CNTNAP5: variants seen among roughly 807,000 people sequenced by gnomAD.
CNTNAP5 encodes the protein contactin-associated protein-like 5.
A neutral mutation model predicts 150.2 loss-of-function variants in CNTNAP5; 72 were observed. That is an observed-to-expected ratio of 0.48 (90% CI 0.40 to 0.58). CNTNAP5 has a LOEUF of 0.58. Among genes scored for constraint, CNTNAP5 ranks in the 20% least tolerant of loss-of-function variants. The pLI is 0.00. For synonymous variants in CNTNAP5, 672 were observed against 619.8 expected (o/e 1.08, Z -1.25); for missense variants, 1,636 against 1,626.2 (o/e 1.01, Z -0.10).
intron 17 of CNTNAP5, among the ~76,000 whole-genome samples, chr2:124,779,867 A>G (rs1681410845): frequency 6.6e-6 from 1 of 152,184 alleles, no homozygotes; most frequent in South Asian, 2.1e-4. Context: ...CTCTGTGAGC[A>G]CACACAATAC....
At chr2:124,044,529 G>A (rs1681474007) in intron 1 of CNTNAP5, among the ~76,000 whole-genome samples, 1 of 152,014 alleles carries the variant, frequency 6.6e-6, no homozygotes, top group Admixed American at 6.6e-5. Context: ...CTTAGATATT[G>A]GTAAAGAAAG....
intron 13 of CNTNAP5, among the ~76,000 whole-genome samples, chr2:124,694,879 CAA>C (rs1477750896): frequency 6.6e-6 from 1 of 151,912 alleles, no homozygotes; most frequent in Non-Finnish European, 1.5e-5. Context: ...GTGAGTAAGA[CAA>C]AAGTGAAACA....
Position 124,140,236 on chromosome 2 carries a change from T to C in CNTNAP5, c.83-81469T>C, listed in dbSNP as rs1245208454. ...GAGGGGCGCCCGCCATTGCCCAGGC[T>C]TGCTTAGGTAAACAAAGCAGCCGGG... On this transcript the variant is annotated intron_variant, in intron 1 of 23. Coordinates refer to ENST00000682447, the MANE Select transcript of CNTNAP5 (RefSeq NM_001367498.1). Among the ~76,000 whole-genome samples the C allele has an allele frequency of 2.5e-4, 38 of 150,560 alleles. No individual in the cohort carries two copies. The East Asian group carries it at 7.5e-3, about 30-fold the overall frequency.
intron 19 of CNTNAP5, among the ~76,000 whole-genome samples, chr2:124,840,941 C>G (rs544798165): frequency 2.0e-5 from 3 of 152,180 alleles, no homozygotes; most frequent in Admixed American, 6.5e-5. Context: ...TCATTGACAT[C>G]TTTAAACTTT....
intron 14 of CNTNAP5, among the ~76,000 whole-genome samples, chr2:124,761,111 C>A (rs1349805801): frequency 1.3e-5 from 2 of 152,158 alleles, no homozygotes; most frequent in Admixed American, 1.3e-4. Context: ...TTACCCTTGG[C>A]ATGAAGAAAG....
intron 11 of CNTNAP5, among the ~76,000 whole-genome samples, chr2:124,607,122 G>A (rs1011627857): frequency 6.6e-6 from 1 of 152,118 alleles, no homozygotes; most frequent in Non-Finnish European, 1.5e-5. Flanking sequence ...GAGTTGATTA[G>A]CTACCTATTG....
intron 13 of CNTNAP5, among the ~76,000 whole-genome samples, chr2:124,697,262 C>A (rs1679424197): frequency 6.6e-6 from 1 of 152,158 alleles, no homozygotes; most frequent in South Asian, 2.1e-4. Flanking sequence ...TGGTCATTAA[C>A]TGAAGTCCAG....
At chr2:124,413,935 C>T (rs1282491106) in intron 3 of CNTNAP5, among the ~76,000 whole-genome samples, 1 of 151,368 alleles carries the variant, frequency 6.6e-6, no homozygotes, top group Non-Finnish European at 1.5e-5. Context: ...ATAGCCTTAA[C>T]CTGTGCTTTG....
At chr2:124,585,849 G>A (rs1245838528) in intron 11 of CNTNAP5, among the ~76,000 whole-genome samples, 1 of 151,898 alleles carries the variant, frequency 6.6e-6, no homozygotes, top group Non-Finnish European at 1.5e-5. Flanking sequence ...AGCAAAGCCA[G>A]GATTTTAATT....
chr2:124,457,254 A>G (rs569819397), intron 6 of CNTNAP5, among the ~76,000 whole-genome samples: 1 of 152,298 alleles, frequency 6.6e-6, no homozygotes, highest in African/African-American at 2.4e-5. Context: ...AGACTTCATG[A>G]CCAAGAACCC....
intron 7 of CNTNAP5, among the ~76,000 whole-genome samples, chr2:124,480,088 CA>C (rs1693731057): frequency 6.6e-6 from 1 of 152,124 alleles, no homozygotes; most frequent in African/African-American, 2.4e-5. Flanking sequence ...CATACAGTTC[CA>C]AATAATAAAA....
chr2:124,383,441 TC>T (rs1690850774), intron 3 of CNTNAP5, among the ~76,000 whole-genome samples: 1 of 152,156 alleles, frequency 6.6e-6, no homozygotes, highest in Admixed American at 6.5e-5. Context: ...ATGAAACCTT[TC>T]CTGTTAACCG....
At position 124,365,532 on chromosome 2, in the gene CNTNAP5, A is replaced by G. The variant is rs1017373875; in HGVS notation, c.382-51911A>G. Among the ~76,000 whole-genome samples, 4 of 152,346 alleles carry G rather than the reference A, an allele frequency of 2.6e-5. No homozygotes were observed. In the South Asian group the frequency reaches 6.2e-4, roughly 24 times the overall value. ...ACAAACTATTGGTGCTACAGAGAAC[A>G]TGGCATTGGAAACACTGAAACAGTT... On this transcript the variant is annotated intron_variant, in intron 3 of 23. Coordinates refer to ENST00000682447, the MANE Select transcript of CNTNAP5 (RefSeq NM_001367498.1).
At chr2:124,476,192 G>T (rs954486128) in intron 7 of CNTNAP5, among the ~76,000 whole-genome samples, 3 of 151,764 alleles carry the variant, frequency 2.0e-5, no homozygotes, top group Non-Finnish European at 4.4e-5. Context: ...TCTTAATTAG[G>T]CAATTATATT....
intron 1 of CNTNAP5, among the ~76,000 whole-genome samples, chr2:124,071,545 A>G (rs1682304734): frequency 6.6e-6 from 1 of 151,962 alleles, no homozygotes; most frequent in Non-Finnish European, 1.5e-5. Context: ...AGAAACTCAA[A>G]AAATCATTAG....
chr2:124,070,965 A>C (rs554257472), intron 1 of CNTNAP5, among the ~76,000 whole-genome samples: 1 of 152,180 alleles, frequency 6.6e-6, no homozygotes, highest in Non-Finnish European at 1.5e-5. Flanking sequence ...ACAAGTCTTA[A>C]GATATTCAAA....
At chr2:124,064,740 G>C (rs1036800379) in intron 1 of CNTNAP5, among the ~76,000 whole-genome samples, 2 of 151,846 alleles carry the variant, frequency 1.3e-5, no homozygotes, top group African/African-American at 4.8e-5. Context: ...GACTACCACT[G>C]GGCTTCAGCT....
At chr2:124,754,737 A>T (rs2045090) in intron 14 of CNTNAP5, among the ~76,000 whole-genome samples, 3 of 151,958 alleles carry the variant, frequency 2.0e-5, no homozygotes, top group Non-Finnish European at 4.4e-5. Flanking sequence ...ACCCAGGCTC[A>T]AGTGCAGTGG....
Position 124,522,420 on chromosome 2 carries a change from T to C in CNTNAP5, c.1328-1883T>C, listed in dbSNP as rs113078911. On this transcript the variant is annotated intron_variant, in intron 8 of 23. Coordinates refer to ENST00000682447, the MANE Select transcript of CNTNAP5 (RefSeq NM_001367498.1). ...CAGTAGGACCTGTGAGTTCTGCCTC[T>C]AGCCTTGACCCCTTCCAGCTGCTAT... Among the ~76,000 whole-genome samples the C allele has an allele frequency of 1.6e-3, 241 of 152,314 alleles. 1 individual carries two copies. Among genetic ancestry groups the C allele is most frequent in the African/African-American group, 5.6e-3 (232 of 41,586 alleles).
Sources: allele counts gnomAD v4.1 joint callset (sites outside exome capture counted in the v4.1 genomes callset), GRCh38; gene constraint gnomAD v4.1.1; transcripts MANE v1.5; gene names NCBI Gene and HGNC (gene_info 2026-07-23, HGNC 2026-07-21).